Variants in PXK observed in about 807,000 individuals in gnomAD.
The protein encoded by PXK is PX domain containing serine/threonine kinase like.
A neutral mutation model predicts 84.7 loss-of-function variants in PXK; 35 were observed. The ratio of observed to expected loss-of-function variants is 0.41; its 90% confidence interval spans 0.32 to 0.55. The LOEUF is 0.55. PXK is among the 20% of genes least tolerant of loss of function. The pLI is 0.21. For synonymous variants in PXK, 253 were observed against 260.8 expected, an observed-to-expected ratio of 0.97 and a Z score of 0.29; for missense variants, 634 against 699.7, an observed-to-expected ratio of 0.91 and a Z score of 1.06.
intron 4 of PXK, among the ~76,000 whole-genome samples, chr3:58,389,087 G>T (rs1298744662): frequency 6.6e-6 from 1 of 152,072 alleles, no homozygotes; most frequent in Non-Finnish European, 1.5e-5. Flanking sequence ...TTAATGCAAA[G>T]AACTTTAAAG....
chr3:58,355,564 A>G (rs1162449323), intron 1 of PXK, among the ~76,000 whole-genome samples: 1 of 152,222 alleles, frequency 6.6e-6, no homozygotes, highest in African/African-American at 2.4e-5. Flanking sequence ...CTAAAATTTC[A>G]CCAAACCGAG....
intron 7 of PXK, among the ~76,000 whole-genome samples, chr3:58,393,757 T>A (rs1020887556): frequency 2.6e-5 from 4 of 152,250 alleles, no homozygotes; most frequent in African/African-American, 4.8e-5. Flanking sequence ...ATTGTGACAC[T>A]ACATATTCTG....
At position 58,397,505 on chromosome 3, in the gene PXK, A is replaced by T; in HGVS notation, c.985-100A>T. On this transcript the variant is annotated intron_variant, in intron 10 of 17. Coordinates refer to ENST00000356151, the MANE Select transcript of PXK (RefSeq NM_017771.5). The surrounding 1 kb of genome is among the most constrained non-coding windows in gnomAD (Gnocchi z 4.7). ...TACGTTACCAATTAGGAACGGGGCTATCCCTGGGCTTTGTTTCTCAGAGAA... is the reference window on the plus strand; with the variant it reads ...TACGTTACCAATTAGGAACGGGGCTTTCCCTGGGCTTTGTTTCTCAGAGAA... 1 of 1,028,128 alleles carries T rather than the reference A, an allele frequency of 9.7e-7. No homozygotes were observed. The highest frequency in any genetic ancestry group is 1.5e-6 in the Non-Finnish European group (1 of 656,404). 63.7% of individuals were successfully genotyped at this position (1,028,128 alleles called of 1,614,324 possible).
intron 1 of PXK, among the ~76,000 whole-genome samples, chr3:58,359,327 C>T (rs370353947): frequency 2.6e-5 from 4 of 151,830 alleles, no homozygotes; most frequent in South Asian, 4.2e-4. Flanking sequence ...GTCAGGAGAT[C>T]GAGACCATCC....
intron 17 of PXK, chr3:58,423,068 G>A (rs750194860): frequency 6.0e-5 from 59 of 985,230 alleles, no homozygotes; most frequent in Middle Eastern, 5.2e-4. Flanking sequence ...TCACTCCTTC[G>A]GGCCCACTTG....
Position 58,383,079 on chromosome 3 carries a change from G to A in PXK, c.388+379G>A, listed in dbSNP as rs1181479689. 1.3e-5 allele frequency among the ~76,000 whole-genome samples: 2 copies of A among 152,164 alleles called. No homozygotes were observed. The highest frequency in any genetic ancestry group is 2.9e-5 in the Non-Finnish European group (2 of 68,032). On this transcript the variant is annotated intron_variant, in intron 4 of 17. Coordinates refer to ENST00000356151, the MANE Select transcript of PXK (RefSeq NM_017771.5). The surrounding 1 kb of genome is among the most constrained non-coding windows in gnomAD (Gnocchi z 4.0). Reference sequence around the variant, plus strand: ...GGCCAAGGCGGTTGGATCACCTGAGGTCAGGAGTTTGAGTCCAGCCTGGCC... The same window carrying A: ...GGCCAAGGCGGTTGGATCACCTGAGATCAGGAGTTTGAGTCCAGCCTGGCC...
At chr3:58,381,919 T>C (rs2098507054) in intron 3 of PXK, among the ~76,000 whole-genome samples, 2 of 152,144 alleles carry the variant, frequency 1.3e-5, no homozygotes, top group Admixed American at 6.6e-5. Context: ...AGGGGTGTCA[T>C]GGGACTGCCA....
chr3:58,398,028 A>G lies in PXK; in HGVS notation c.1102+306A>G, dbSNP rs944049170. On this transcript the variant is annotated intron_variant, in intron 11 of 17. Coordinates refer to ENST00000356151, the MANE Select transcript of PXK (RefSeq NM_017771.5). This position sits in a 1 kb window ranked among gnomAD's most constrained non-coding sequence, Gnocchi z 4.5. The stretch of plus-strand genomic sequence containing the variant: ...CCTGCATGAGTGTGATGCAGAAGCT[A>G]GAGCCAGGCAACTTGAAGCCAGTCT... Among the ~76,000 whole-genome samples the G allele has an allele frequency of 6.6e-6, 1 of 152,236 alleles. No homozygotes were observed. Among genetic ancestry groups the G allele is most frequent in the African/African-American group, 2.4e-5 (1 of 41,468 alleles).
intron 1 of PXK, among the ~76,000 whole-genome samples, chr3:58,345,832 C>T (rs1345095311): frequency 6.6e-6 from 1 of 152,142 alleles, no homozygotes. Flanking sequence ...GAAACAGAAG[C>T]CTTATAGCCT....
At chr3:58,369,597 G>A (rs559995138) in intron 3 of PXK, 119 bp downstream of exon 3, 13 of 714,148 alleles carry the variant, frequency 1.8e-5, no homozygotes, top group African/African-American at 1.2e-4. Context: ...AGGCCAATGC[G>A]GGTGGATCAC....
Position 58,364,711 on chromosome 3 carries a change from C to CAA in PXK, c.103-1152_103-1151dup, listed in dbSNP as rs796928585. On this transcript the variant is annotated intron_variant, in intron 1 of 17. Transcript: ENST00000356151. The surrounding 1 kb of genome is among the most constrained non-coding windows in gnomAD (Gnocchi z 4.3). ...TGGGTGACAGAGTGAGACTCGGTCT[C>CAA]AAAAAAAAAAAATCATTATGAAGAT... 3.0e-5 allele frequency among the ~76,000 whole-genome samples: 4 copies of CAA among 135,480 alleles called. No individual in the cohort carries two copies. Among genetic ancestry groups the CAA allele is most frequent in the African/African-American group, 8.2e-5 (3 of 36,790 alleles). 88.9% of individuals were successfully genotyped at this position (135,480 alleles called of 152,430 possible). A position where few individuals can be genotyped will look rare whatever the true frequency, so the allele number is the denominator to read the frequency against.
chr3:58,423,293 C>G, intron 17 of PXK: 1 of 968,688 alleles, frequency 1.0e-6, no homozygotes, highest in South Asian at 4.8e-5. Context: ...TTCCCACAAT[C>G]CACCTTAGCA....
At chr3:58,391,003 G>A (rs916184344) in intron 5 of PXK, 144 bp from the exon 6 acceptor site, 4 of 619,432 alleles carry the variant, frequency 6.5e-6, no homozygotes, top group Admixed American at 2.9e-5. Flanking sequence ...CTATGCCAAC[G>A]TTATCAAATG....
At chr3:58,415,310 G>A (rs1292256660) in intron 17 of PXK, among the ~76,000 whole-genome samples, 1 of 152,214 alleles carries the variant, frequency 6.6e-6, no homozygotes, top group Non-Finnish European at 1.5e-5. Context: ...TGCTCTTTCT[G>A]ACACCATTTG....
At position 58,401,784 on chromosome 3, in the gene PXK, G is replaced by A. The variant is rs1032342539; in HGVS notation, c.1182-2078G>A. Among the ~76,000 whole-genome samples, 14 of 151,896 alleles carry A rather than the reference G, an allele frequency of 9.2e-5. No homozygotes were observed. The highest frequency in any genetic ancestry group is 2.7e-4 in the African/African-American group (11 of 41,312). On this transcript the variant is annotated intron_variant, in intron 12 of 17. Transcript: ENST00000356151. This position sits in a 1 kb window ranked among gnomAD's most constrained non-coding sequence, Gnocchi z 4.4. ...TACTAAAAATGCAAAAAAATTAGCC[G>A]AGCGTGGTGGCGGGCGTCTGTAGTC...
chr3:58,393,208 C>CGTG (rs1241026688), intron 7 of PXK, among the ~76,000 whole-genome samples: 2 of 151,838 alleles, frequency 1.3e-5, no homozygotes, highest in East Asian at 3.9e-4. Flanking sequence ...ATTAGCTGGA[C>CGTG]GTGGTGGTGG....
chr3:58,367,428 G>A (rs2098290538), intron 2 of PXK, among the ~76,000 whole-genome samples: 1 of 151,730 alleles, frequency 6.6e-6, no homozygotes, highest in African/African-American at 2.4e-5. Flanking sequence ...TGTATTTTTA[G>A]TAGAGACAGG....
rs1479130106 is a variant in PXK at position 58,369,462 on chromosome 3, T to C, written c.185T>C (p.Leu62Pro). Residue 62 changes from leucine to proline, a missense_variant, in exon 3 of 18, where the codon CTT (leucine) becomes CCT (proline). Transcript: ENST00000356151. ...AGAAGATACAGTGACTTTGATTTGC[T>C]TAACAACAGCTTACAGGTAAATGTT... ...IVRRYSDFDL[L>P]NNSLQIAGLS... The C allele has an allele frequency of 6.2e-7, 1 of 1,610,390 alleles. No homozygotes were observed. The highest frequency in any genetic ancestry group is 2.2e-5 in the East Asian group (1 of 44,884).
Position 58,421,876 on chromosome 3 carries a change from T to G in PXK, c.1529-2876T>G. The G allele has an allele frequency of 1.0e-6, 1 of 985,424 alleles. No homozygotes were observed. 61.0% of individuals were successfully genotyped at this position (985,424 alleles called of 1,614,324 possible). A position where few individuals can be genotyped will look rare whatever the true frequency, so the allele number is the denominator to read the frequency against. On this transcript the variant is annotated intron_variant, in intron 17 of 17. Transcript: ENST00000356151. This position sits in a 1 kb window ranked among gnomAD's most constrained non-coding sequence, Gnocchi z 5.5. The stretch of plus-strand genomic sequence containing the variant: ...AGGTAAGCTGTTTGCAGCATCCCCC[T>G]TCCTGGGTGCAAATTCAGGTATCAT...
Sources: gnomAD v4.1 joint callset for allele counts (sites outside exome capture counted in the v4.1 genomes callset) on GRCh38, gnomAD v4.1.1 for gene constraint, Gnocchi (gnomAD v3.1) non-coding constraint, MANE v1.5 for transcripts, NCBI Gene and HGNC (gene_info 2026-07-23, HGNC 2026-07-21) for gene names.